MGA: variants seen among roughly 807,000 people sequenced by gnomAD.
The protein encoded by MGA is MAX dimerization protein MGA.
Under a neutral mutation model 261.1 loss-of-function variants are expected in MGA, and 40 were observed. The observed-to-expected ratio is 0.15, with a 90% CI of 0.12 to 0.20. The LOEUF (loss-of-function observed/expected upper bound fraction) is 0.20. Ranked by LOEUF, MGA falls within the 10% of genes least tolerant of loss-of-function variation. The pLI, the probability that MGA is intolerant of heterozygous loss-of-function variation, is 1.00. For missense variants in MGA, 3,397 were observed against 3,630.5 expected, an observed-to-expected ratio of 0.94 and a Z score of 1.65; for synonymous variants, 1,302 against 1,290.6, an observed-to-expected ratio of 1.01 and a Z score of -0.19.
At chr15:41,651,476 GAA>G (rs2150714111) in intron 1 of MGA, among the ~76,000 whole-genome samples, 1 of 152,154 alleles carries the variant, frequency 6.6e-6, no homozygotes, top group Non-Finnish European at 1.5e-5. Flanking sequence ...AGAGTCAGCT[GAA>G]AAGTCTCCTC....
intron 17 of MGA, 150 bp downstream of exon 17, chr15:41,750,765 T>C: frequency 1.5e-6 from 1 of 674,144 alleles, no homozygotes. Context: ...AGTAGTTCTT[T>C]AGGCTGTGTC....
intron 1 of MGA, among the ~76,000 whole-genome samples, chr15:41,643,658 A>G (rs955130803): frequency 2.0e-5 from 3 of 151,578 alleles, no homozygotes; most frequent in Admixed American, 1.3e-4. Flanking sequence ...TTTTCTGTAC[A>G]TTGCCTTTTC....
At chr15:41,622,985 A>G (rs1483072912) in intron 1 of MGA, among the ~76,000 whole-genome samples, 1 of 152,234 alleles carries the variant, frequency 6.6e-6, no homozygotes, top group Admixed American at 6.5e-5. Flanking sequence ...AGTAATTATA[A>G]TAGTTATCTT....
intron 5 of MGA, among the ~76,000 whole-genome samples, chr15:41,705,243 C>T (rs1024523401): frequency 2.0e-5 from 3 of 151,828 alleles, no homozygotes. Flanking sequence ...GGGATTACAG[C>T]TGTGAGCCAC....
chr15:41,658,607 C>T (rs2057258169), upstream of MGA, among the ~76,000 whole-genome samples: 1 of 151,912 alleles, frequency 6.6e-6, no homozygotes, highest in Non-Finnish European at 1.5e-5. Context: ...TTGACATCTC[C>T]CGACCTCTCT....
intron 15 of MGA, among the ~76,000 whole-genome samples, chr15:41,745,306 A>AGAG (rs60688205): frequency 7.3e-6 from 1 of 136,846 alleles, no homozygotes; most frequent in African/African-American, 2.7e-5. Flanking sequence ...AAAAAAAAAA[A>AGAG]AGAGACAGCA....
intron 15 of MGA, among the ~76,000 whole-genome samples, chr15:41,745,048 A>G (rs2062364033): frequency 1.3e-5 from 2 of 151,876 alleles, no homozygotes; most frequent in Non-Finnish European, 2.9e-5. Flanking sequence ...AGTGGTGTAT[A>G]TTATATTTTT....
chr15:41,753,646 G>T (rs1023305595), intron 17 of MGA, among the ~76,000 whole-genome samples: 34 of 152,084 alleles, frequency 2.2e-4, no homozygotes, highest in Non-Finnish European at 4.0e-4. Context: ...GGACTAGGCT[G>T]TATCCTATTT....
chr15:41,701,093 C>G (rs1010441396), intron 5 of MGA, among the ~76,000 whole-genome samples: 6 of 152,158 alleles, frequency 3.9e-5, no homozygotes, highest in African/African-American at 1.4e-4. Context: ...AGCAATCTTG[C>G]AGATAACGTT....
At chr15:41,700,422 T>G (rs2059787363) in intron 5 of MGA, among the ~76,000 whole-genome samples, 1 of 152,096 alleles carries the variant, frequency 6.6e-6, no homozygotes, top group African/African-American at 2.4e-5. Context: ...CAGGCTCTGG[T>G]GTGTGATGTT....
At chr15:41,685,818 C>T (rs771527877) in intron 2 of MGA, among the ~76,000 whole-genome samples, 8 of 151,546 alleles carry the variant, frequency 5.3e-5, no homozygotes, top group East Asian at 2.0e-4. Flanking sequence ...CTGGCTAACA[C>T]GGTGAAACCC....
Position 41,736,270 on chromosome 15 carries a change from A to G in MGA, c.4006A>G (p.Ile1336Val), listed in dbSNP as rs910567478. The stretch of plus-strand genomic sequence containing the variant: ...GTCACCTGGTGGTCCCACCAAACTG[A>G]TTGAGATCATCTCAGACTGCAACTG... The change falls in exon 13 of 24, where the codon ATT becomes GTT. Residue 1336 changes from isoleucine to valine, a missense_variant. Physicochemically the swap from Ile to Val is conservative, Grantham distance 29. Transcript: ENST00000219905. 1.2e-6 allele frequency: 2 copies of G among 1,613,990 alleles called. No individual in the cohort carries two copies. The highest frequency in any genetic ancestry group is 1.7e-6 in the Non-Finnish European group (2 of 1,179,894).
Position 41,710,872 on chromosome 15 carries a change from T to C in MGA, c.2607T>C (p.Asp869=), listed in dbSNP as rs757508664. The C allele has an allele frequency of 1.2e-6, 2 of 1,613,868 alleles. No homozygotes were observed. Among genetic ancestry groups the C allele is most frequent in the Non-Finnish European group, 1.7e-6 (2 of 1,179,746 alleles). The change falls in exon 8 of 24, where the codon GAT becomes GAC. Residue 869 remains aspartate (D), a synonymous_variant. Coordinates refer to ENST00000219905, the MANE Select transcript of MGA (RefSeq NM_001164273.2). ...GTACCAGTTATGTACGAACACTTGA[T>C]AGTGTACTAAAGAAGCAATCTACTA...
chr15:41,638,397 G>C (rs2056752861), intron 1 of MGA, among the ~76,000 whole-genome samples: 1 of 148,604 alleles, frequency 6.7e-6, no homozygotes, highest in Non-Finnish European at 1.5e-5. Context: ...AGACAATCTT[G>C]CTCTGTCACC....
chr15:41,696,727 G>C lies in MGA; in HGVS notation c.1717G>C (p.Val573Leu). The change falls in exon 3 of 24, where the codon GTT becomes CTT. Residue 573 changes from valine to leucine, a missense_variant. Val to Leu is a conservative substitution (Grantham distance 32). Around this residue, in one of 9 missense-constraint regions of MGA, gnomAD observed 563 missense variants for 563.6 expected, o/e 1.00. Coordinates refer to ENST00000219905, the MANE Select transcript of MGA (RefSeq NM_001164273.2). ...AATACTCGACGATTCAAAGGATTCA[G>C]TTGGAGACTCACTTTCAGGAAAAGA... 6.2e-7 allele frequency: 1 copy of C among 1,612,314 alleles called. No homozygotes were observed. Among genetic ancestry groups the C allele is most frequent in the Non-Finnish European group, 8.5e-7 (1 of 1,179,142 alleles).
chr15:41,765,215 A>C (rs1195487244), intron 23 of MGA, among the ~76,000 whole-genome samples, 153 bp downstream of exon 23: 1 of 152,202 alleles, frequency 6.6e-6, no homozygotes, highest in African/African-American at 2.4e-5. Context: ...TTTAGAACAC[A>C]TTTGGCTTGA....
intron 11 of MGA, among the ~76,000 whole-genome samples, chr15:41,733,929 T>TTTTG (rs1022898527): frequency 1.3e-5 from 2 of 151,642 alleles, no homozygotes; most frequent in African/African-American, 4.8e-5. Context: ...TTTCTTTTTT[T>TTTTG]TTTCGAGATA....
rs1296087728 is a variant in MGA at position 41,760,500 on chromosome 15, A to G, written c.7369A>G (p.Lys2457Glu). 6.2e-7 allele frequency: 1 copy of G among 1,614,004 alleles called. No homozygotes were observed. ...CACATTGGGATTACTTCATTCTTCC[A>G]AGGTTTCCAAAAGTCTCATTCTTAC... The change falls in exon 20 of 24, where the codon AAG becomes GAG. Residue 2457 changes from lysine to glutamate, a missense_variant. Coordinates refer to ENST00000219905, the MANE Select transcript of MGA (RefSeq NM_001164273.2).
intron 1 of MGA, among the ~76,000 whole-genome samples, chr15:41,622,024 C>G (rs915666744): frequency 1.7e-5 from 2 of 117,676 alleles, no homozygotes; most frequent in Non-Finnish European, 3.3e-5. Context: ...GCGCGTGCTG[C>G]TGGCGCGGGG....
Sources: allele counts gnomAD v4.1 joint callset (sites outside exome capture counted in the v4.1 genomes callset), GRCh38; gene constraint gnomAD v4.1.1; regional missense constraint gnomAD v4.1.1; transcripts MANE v1.5; gene names NCBI Gene and HGNC (gene_info 2026-07-23, HGNC 2026-07-21).